The following NCAM2 variants were observed in gnomAD, a reference collection of about 807,000 sequenced individuals.
NCAM2 encodes neural cell adhesion molecule 2.
Under a neutral mutation model 98.1 loss-of-function variants are expected in NCAM2, and 30 were observed. That is an observed-to-expected ratio of 0.31 (90% CI 0.23 to 0.41). The LOEUF is 0.41. NCAM2 is among the 10% of genes least tolerant of loss of function. The probability of loss-of-function intolerance (pLI) is 1.00; values close to 1 mark genes in which losing one functional copy is unlikely to be tolerated. For synonymous variants in NCAM2, 368 were observed against 342.4 expected (o/e 1.07, Z -0.83); for missense variants, 867 against 1,005.8 (o/e 0.86, Z 1.87).
intron 1 of NCAM2, among the ~76,000 whole-genome samples, chr21:21,218,055 C>T (rs2069978932): frequency 6.6e-6 from 1 of 152,148 alleles, no homozygotes; most frequent in Non-Finnish European, 1.5e-5. Context: ...CATATTGTGC[C>T]CATGCTTGTG....
At chr21:21,462,079 A>G (rs952671483) in intron 12 of NCAM2, among the ~76,000 whole-genome samples, 1 of 152,078 alleles carries the variant, frequency 6.6e-6, no homozygotes, top group Non-Finnish European at 1.5e-5. Context: ...TAAGTGAGAA[A>G]CTTGAGGGAC....
intron 1 of NCAM2, among the ~76,000 whole-genome samples, chr21:21,135,021 T>C (rs1482846782): frequency 1.5e-5 from 2 of 133,704 alleles, no homozygotes; most frequent in Admixed American, 7.3e-5. Flanking sequence ...GATCACGAGG[T>C]CAGGAGATCA....
chr21:21,022,337 A>G (rs2064455233), intron 1 of NCAM2, among the ~76,000 whole-genome samples: 1 of 152,112 alleles, frequency 6.6e-6, no homozygotes, highest in South Asian at 2.1e-4. Flanking sequence ...TTACTTCCAG[A>G]TTGTTAGAGA....
chr21:21,199,927 T>G (rs551042423), intron 1 of NCAM2, among the ~76,000 whole-genome samples: 2 of 152,170 alleles, frequency 1.3e-5, no homozygotes, highest in African/African-American at 4.8e-5. Context: ...GCTTACACAC[T>G]CTCATAAGTG....
At chr21:21,515,690 T>G (rs2146373592) in intron 16 of NCAM2, among the ~76,000 whole-genome samples, 1 of 152,258 alleles carries the variant, frequency 6.6e-6, no homozygotes, top group African/African-American at 2.4e-5. Context: ...ATAATTAAAA[T>G]CCAATATATT....
intron 1 of NCAM2, among the ~76,000 whole-genome samples, chr21:21,049,195 A>G (rs1449612528): frequency 6.9e-6 from 1 of 144,330 alleles, no homozygotes; most frequent in East Asian, 2.1e-4. Flanking sequence ...AATTTTTTGT[A>G]TTTTTAGTAG....
At chr21:21,461,983 A>G (rs1403791858) in intron 12 of NCAM2, among the ~76,000 whole-genome samples, 1 of 152,042 alleles carries the variant, frequency 6.6e-6, no homozygotes, top group Middle Eastern at 3.2e-3. Context: ...GCCTGTTGCT[A>G]ACTCCTGCAG....
chr21:21,101,467 G>T (rs2066239232), intron 1 of NCAM2, among the ~76,000 whole-genome samples: 1 of 152,006 alleles, frequency 6.6e-6, no homozygotes, highest in African/African-American at 2.4e-5. Flanking sequence ...ACTCTCATAA[G>T]AATCAAGGTA....
At chr21:21,234,108 A>C (rs1281516820) in intron 1 of NCAM2, among the ~76,000 whole-genome samples, 1 of 151,856 alleles carries the variant, frequency 6.6e-6, no homozygotes, top group South Asian at 2.1e-4. Flanking sequence ...TATTAGTGTA[A>C]GGAAAATTTA....
At chr21:21,418,688 G>C in intron 11 of NCAM2, 119 bp downstream of exon 11, 1 of 775,234 alleles carries the variant, frequency 1.3e-6, no homozygotes, top group Non-Finnish European at 2.3e-6. Context: ...ATCTCTTGGA[G>C]ATATCAGGTA....
chr21:21,200,790 A>G (rs2069189691), intron 1 of NCAM2, among the ~76,000 whole-genome samples: 1 of 138,650 alleles, frequency 7.2e-6, no homozygotes, highest in Non-Finnish European at 1.5e-5. Context: ...AACCCTCCCA[A>G]AAGCATTTTG....
At chr21:21,078,726 A>T (rs982367350) in intron 1 of NCAM2, among the ~76,000 whole-genome samples, 15 of 152,252 alleles carry the variant, frequency 9.9e-5, no homozygotes, top group African/African-American at 3.4e-4. Flanking sequence ...TTATAAAGAT[A>T]CATGCACATG....
chr21:21,443,529 A>G (rs1405187635), intron 12 of NCAM2, among the ~76,000 whole-genome samples: 1 of 151,974 alleles, frequency 6.6e-6, no homozygotes, highest in African/African-American at 2.4e-5. Context: ...GACATCTTTT[A>G]TAAGCAATGA....
chr21:21,147,329 T>A, intron 1 of NCAM2: 1 of 961,676 alleles, frequency 1.0e-6, no homozygotes, highest in Non-Finnish European at 1.2e-6. Context: ...TGTTGAATGT[T>A]GAAAGAAGGG....
intron 5 of NCAM2, among the ~76,000 whole-genome samples, chr21:21,298,957 G>A (rs1253731619): frequency 6.6e-6 from 1 of 151,006 alleles, no homozygotes; most frequent in Non-Finnish European, 1.5e-5. Context: ...GCTGACCTTT[G>A]TATGTTGTTC....
At chr21:21,233,831 A>G (rs1601718567) in intron 1 of NCAM2, among the ~76,000 whole-genome samples, 1 of 151,796 alleles carries the variant, frequency 6.6e-6, no homozygotes, top group East Asian at 1.9e-4. Context: ...AATAAAAATT[A>G]CCATTTTTGT....
chr21:21,012,988 G>A (rs2064237702), intron 1 of NCAM2, among the ~76,000 whole-genome samples: 1 of 151,954 alleles, frequency 6.6e-6, no homozygotes, highest in Non-Finnish European at 1.5e-5. Flanking sequence ...CCACTGACTG[G>A]CTGTTTCCTG....
At chr21:21,514,203 T>A (rs1164815980) in intron 16 of NCAM2, among the ~76,000 whole-genome samples, 1 of 151,526 alleles carries the variant, frequency 6.6e-6, no homozygotes, top group Admixed American at 6.6e-5. Flanking sequence ...CCTCTTTTCT[T>A]ATTTTTTTAA....
intron 5 of NCAM2, among the ~76,000 whole-genome samples, chr21:21,306,365 A>G (rs749774600): frequency 2.0e-5 from 3 of 152,164 alleles, no homozygotes; most frequent in South Asian, 2.1e-4. Flanking sequence ...CTCTCTTATT[A>G]TATAGATAAA....
Sources: allele counts gnomAD v4.1 joint callset (sites outside exome capture counted in the v4.1 genomes callset), GRCh38; gene constraint gnomAD v4.1.1; transcripts MANE v1.5; gene names NCBI Gene and HGNC (gene_info 2026-07-23, HGNC 2026-07-21).